The following FAM3C variants were observed in gnomAD, a reference collection of about 807,000 sequenced individuals.
The protein encoded by FAM3C is protein FAM3C.
FAM3C carries 15 observed loss-of-function variants against 32.5 expected under a neutral mutation model. The ratio of observed to expected loss-of-function variants is 0.46; its 90% CI spans 0.31 to 0.71. FAM3C has a LOEUF of 0.71. Among genes scored for constraint, FAM3C ranks in the 30% least tolerant of loss-of-function variants. The pLI, the probability that FAM3C is intolerant of heterozygous loss-of-function variation, is 0.05. For synonymous variants in FAM3C, 75 were observed against 86.1 expected, an observed-to-expected ratio of 0.87 and a Z score of 0.72; for missense variants, 175 against 274.4, an observed-to-expected ratio of 0.64 and a Z score of 2.56.
intron 7 of FAM3C, among the ~76,000 whole-genome samples, chr7:121,360,570 C>T (rs905623365): frequency 6.6e-6 from 1 of 152,178 alleles, no homozygotes; most frequent in Non-Finnish European, 1.5e-5. Context: ...CAGTGACTCA[C>T]ATCTGTAATC....
intron 2 of FAM3C, among the ~76,000 whole-genome samples, chr7:121,381,880 A>C (rs1794364669): frequency 6.6e-6 from 1 of 152,198 alleles, no homozygotes; most frequent in Admixed American, 6.5e-5. Flanking sequence ...TCTTTGTTTA[A>C]TAATCATGAT....
chr7:121,380,756 T>TGA (rs1794333811), intron 2 of FAM3C, among the ~76,000 whole-genome samples: 2 of 149,786 alleles, frequency 1.3e-5, no homozygotes, highest in Admixed American at 1.3e-4. Context: ...TATATATATA[T>TGA]GACACTCACA....
intron 8 of FAM3C, among the ~76,000 whole-genome samples, chr7:121,352,853 G>A (rs1393407455): frequency 2.0e-5 from 3 of 152,158 alleles, no homozygotes; most frequent in East Asian, 1.9e-4. Context: ...TTCCACTTGC[G>A]TAGTTTATCC....
chr7:121,372,702 T>A (rs1282204530), intron 3 of FAM3C, among the ~76,000 whole-genome samples: 1 of 152,188 alleles, frequency 6.6e-6, no homozygotes, highest in South Asian at 2.1e-4. Context: ...AACCTGACCA[T>A]CTATCATAAT....
chr7:121,383,495 A>G (rs1457496065), intron 1 of FAM3C, among the ~76,000 whole-genome samples: 3 of 152,198 alleles, frequency 2.0e-5, no homozygotes, highest in Non-Finnish European at 4.4e-5. Flanking sequence ...TGCCACTACC[A>G]TAAGCATTTA....
chr7:121,352,116 G>A (rs1159146588), intron 8 of FAM3C, among the ~76,000 whole-genome samples: 2 of 152,190 alleles, frequency 1.3e-5, no homozygotes, highest in East Asian at 3.9e-4. Flanking sequence ...GTCACTTAGA[G>A]AGGTTTGTTC....
rs1186012046 is a variant in FAM3C at position 121,369,458 on chromosome 7, C to A, written c.272+1842G>T. Reference sequence around the variant, plus strand: ...TTAACCTGAGGCTTGGGTATAAAATCCCACCAAGTATTTAATCTCTCATGG... The same window carrying A: ...TTAACCTGAGGCTTGGGTATAAAATACCACCAAGTATTTAATCTCTCATGG... On this transcript the variant is annotated intron_variant, in intron 5 of 9. Transcript: ENST00000359943. Among the ~76,000 whole-genome samples, 2 of 152,120 alleles carry A rather than the reference C, an allele frequency of 1.3e-5. 1 individual carries two copies. The highest frequency in any genetic ancestry group is 3.9e-4 in the East Asian group (2 of 5,190).
chr7:121,388,977 C>T (rs987224738), intron 1 of FAM3C, among the ~76,000 whole-genome samples: 2 of 152,082 alleles, frequency 1.3e-5, no homozygotes, highest in Non-Finnish European at 2.9e-5. Flanking sequence ...AAAAACACTT[C>T]GGAAAACTTC....
At chr7:121,362,863 A>C in intron 7 of FAM3C, 34 bp downstream of exon 7, 1 of 1,273,904 alleles carries the variant, frequency 7.8e-7, no homozygotes, top group Non-Finnish European at 1.1e-6. Context: ...AGTCAGTGCC[A>C]GCAAAAGAAC....
intron 9 of FAM3C, 115 bp downstream of exon 9, chr7:121,351,028 T>C: frequency 1.1e-6 from 1 of 938,966 alleles, no homozygotes; most frequent in Non-Finnish European, 1.6e-6. Context: ...ATGACAAATA[T>C]ATGATCATAT....
At chr7:121,367,421 C>T (rs1280656814) in intron 5 of FAM3C, among the ~76,000 whole-genome samples, 1 of 152,098 alleles carries the variant, frequency 6.6e-6, no homozygotes. Flanking sequence ...ATAGTTTTTA[C>T]ATTTTTAAAT....
At chr7:121,364,241 T>C (rs529625040) in intron 5 of FAM3C, 53 bp from the exon 6 acceptor site, 2 of 1,172,248 alleles carry the variant, frequency 1.7e-6, no homozygotes, top group East Asian at 2.5e-5. Flanking sequence ...TACAATAACA[T>C]ATCAGAAAAA....
chr7:121,360,677 T>A (rs1793901170), intron 7 of FAM3C, among the ~76,000 whole-genome samples: 1 of 151,822 alleles, frequency 6.6e-6, no homozygotes. Context: ...AACAAAAAAA[T>A]TTAAAAATTA....
chr7:121,378,666 C>T (rs905102059), intron 3 of FAM3C, among the ~76,000 whole-genome samples: 15 of 151,898 alleles, frequency 9.9e-5, no homozygotes, highest in African/African-American at 3.1e-4. Context: ...ATTAATGCCC[C>T]TAAAAATGTA....
At chr7:121,379,268 CA>C (rs1414664584) in intron 2 of FAM3C, among the ~76,000 whole-genome samples, 4 of 151,826 alleles carry the variant, frequency 2.6e-5, no homozygotes, top group Non-Finnish European at 1.5e-5. Flanking sequence ...GTTTTATATG[CA>C]AAAAAATTAC....
chr7:121,352,922 G>A lies in FAM3C; in HGVS notation c.468-1653C>T, dbSNP rs375596240. Reference sequence around the variant, plus strand: ...CTACACTTGCATCATCAGCACTAGCGATGAGTTTTGCTGCTGTAACAAGAA... The same window carrying A: ...CTACACTTGCATCATCAGCACTAGCAATGAGTTTTGCTGCTGTAACAAGAA... On this transcript the variant is annotated intron_variant, in intron 8 of 9. Coordinates refer to ENST00000359943, the MANE Select transcript of FAM3C (RefSeq NM_014888.3). Among the ~76,000 whole-genome samples the A allele has an allele frequency of 3.3e-5, 5 of 152,072 alleles. No homozygotes were observed. The East Asian group carries it at 5.8e-4, about 18-fold the overall frequency.
chr7:121,390,395 C>T (rs1469140109), intron 1 of FAM3C, among the ~76,000 whole-genome samples: 1 of 152,182 alleles, frequency 6.6e-6, no homozygotes, highest in Non-Finnish European at 1.5e-5. Context: ...GGGCATAGGC[C>T]ATAACTTTGG....
At chr7:121,392,562 C>T (rs1002521882) in intron 1 of FAM3C, among the ~76,000 whole-genome samples, 1 of 152,160 alleles carries the variant, frequency 6.6e-6, no homozygotes, top group African/African-American at 2.4e-5. Flanking sequence ...CCAAACCACA[C>T]CACGTATCAA....
chr7:121,371,921 A>G (rs1794155386), intron 4 of FAM3C, among the ~76,000 whole-genome samples, 189 bp downstream of exon 4: 2 of 152,206 alleles, frequency 1.3e-5, no homozygotes, highest in African/African-American at 4.8e-5. Context: ...GCTAAAAAAC[A>G]CAAAATATCC....
Sources: gnomAD v4.1 joint callset for allele counts (sites outside exome capture counted in the v4.1 genomes callset) on GRCh38, gnomAD v4.1.1 for gene constraint, MANE v1.5 for transcripts, NCBI Gene and HGNC (gene_info 2026-07-23, HGNC 2026-07-21) for gene names.